PHF20: variants seen among roughly 807,000 people sequenced by gnomAD.
PHF20 encodes the protein PHD finger protein 20.
In PHF20, 23 loss-of-function variants were observed where a neutral mutation model predicts 113.5. That is an observed-to-expected ratio of 0.20 (90% CI 0.15 to 0.29). The LOEUF (loss-of-function observed/expected upper bound fraction) is 0.29, where lower values mean the gene tolerates loss of function less well. PHF20 is among the 10% of genes least tolerant of loss of function. The probability of loss-of-function intolerance (pLI) is 1.00; values close to 1 mark genes in which losing one functional copy is unlikely to be tolerated. For synonymous variants in PHF20, 434 were observed against 457.3 expected, an observed-to-expected ratio of 0.95 and a Z score of 0.65; for missense variants, 943 against 1,219.6, an observed-to-expected ratio of 0.77 and a Z score of 3.38.
chr20:35,873,320 C>T (rs553371003), intron 9 of PHF20, among the ~76,000 whole-genome samples: 14 of 151,840 alleles, frequency 9.2e-5, no homozygotes, highest in South Asian at 2.1e-4. Context: ...AGGTTGGCCT[C>T]GAACTCCTGA....
At chr20:35,889,509 G>A (rs1238416879) in intron 9 of PHF20, among the ~76,000 whole-genome samples, 2 of 151,530 alleles carry the variant, frequency 1.3e-5, no homozygotes, top group Admixed American at 6.6e-5. Context: ...CAATAGGCAC[G>A]CACCACCACG....
chr20:35,806,458 G>A (rs1046257032), intron 2 of PHF20, among the ~76,000 whole-genome samples: 1 of 152,134 alleles, frequency 6.6e-6, no homozygotes, highest in Non-Finnish European at 1.5e-5. Flanking sequence ...ACCATGCCTG[G>A]CACATATTTA....
rs372275639 is a variant in PHF20, at chr20:35,792,083, G to T, written c.-32-9408G>T. On this transcript the variant is annotated intron_variant, in intron 1 of 17. Transcript: ENST00000374012. ...GAATGAGTAAACTCAACTCATGTTT[G>T]CTGTCTCTTTGCATTTTAATTATGG... is the stretch of plus-strand genomic sequence containing the variant. Among the ~76,000 whole-genome samples, 10 of 152,280 alleles carry T rather than the reference G, an allele frequency of 6.6e-5. No homozygotes were observed. In the South Asian group the frequency reaches 2.1e-3, roughly 32 times the overall value.
At chr20:35,808,418 T>G (rs1335610830) in intron 2 of PHF20, among the ~76,000 whole-genome samples, 1 of 152,018 alleles carries the variant, frequency 6.6e-6, no homozygotes, top group African/African-American at 2.4e-5. Flanking sequence ...AGGATCATAG[T>G]AGATGTGTTT....
rs571459735 is a variant in PHF20, at chr20:35,922,107, C to T, written c.2004+4445C>T. ...TGAGCATGGCAGAGTCAGGAGCCAA[C>T]TTGATCTCCTGCTTCCCAGGCTCCA... On this transcript the variant is annotated intron_variant, in intron 13 of 17. Transcript: ENST00000374012. Among the ~76,000 whole-genome samples the T allele has an allele frequency of 3.3e-5, 5 of 152,320 alleles. No homozygotes were observed. The South Asian group carries it at 1.0e-3, about 32-fold the overall frequency.
At chr20:35,932,469 C>T (rs370582443) in intron 15 of PHF20, among the ~76,000 whole-genome samples, 1 of 133,872 alleles carries the variant, frequency 7.5e-6, no homozygotes, top group Non-Finnish European at 1.5e-5. Flanking sequence ...CTCGCTCTGT[C>T]GCCCAGGCTG....
rs1357797541 is a variant in PHF20 at position 35,938,753 on chromosome 20, G to A, written c.2357G>A (p.Gly786Glu). ...LWCQPWKQHSGEGRSHFRNIP... is the reference protein window; with the variant it reads ...LWCQPWKQHSEEGRSHFRNIP... ...TGCCAGCCTTGGAAACAGCACTCAG[G>A]GGAGGGGAGATCTCATTTCAGAAAC... Residue 786 changes from glycine (G) to glutamate (E), a missense_variant, in exon 16 of 18, where the codon GGG becomes GAG. Gly to Glu is a moderately conservative substitution (Grantham distance 98, BLOSUM62 -2). Coordinates refer to ENST00000374012, the MANE Select transcript of PHF20 (RefSeq NM_016436.5). The A allele has an allele frequency of 1.9e-6, 3 of 1,613,976 alleles. No individual in the cohort carries two copies. In the African/African-American group the frequency reaches 4.0e-5, roughly 22 times the overall value.
chr20:35,833,115 C>A (rs182261237), intron 2 of PHF20, among the ~76,000 whole-genome samples: 8 of 151,362 alleles, frequency 5.3e-5, no homozygotes, highest in Non-Finnish European at 1.2e-4. Flanking sequence ...TACTTCCTGG[C>A]CCAGAGCAGG....
At chr20:35,792,919 T>C (rs552858925) in intron 1 of PHF20, among the ~76,000 whole-genome samples, 1 of 151,408 alleles carries the variant, frequency 6.6e-6, no homozygotes, top group East Asian at 1.9e-4. Context: ...TGATTTTTCT[T>C]GTCGTCGCTC....
intron 5 of PHF20, among the ~76,000 whole-genome samples, chr20:35,859,760 G>T (rs1370292844): frequency 6.6e-6 from 1 of 152,036 alleles, no homozygotes; most frequent in Non-Finnish European, 1.5e-5. Flanking sequence ...GTCCAGGCTG[G>T]TCTCAAACTC....
At chr20:35,871,561 G>A (rs1201314146) in intron 8 of PHF20, 89 bp from the exon 9 acceptor site, 1 of 1,085,838 alleles carries the variant, frequency 9.2e-7, no homozygotes, top group Admixed American at 2.7e-5. Flanking sequence ...CCTCTAAAAA[G>A]TCCCTGGCTT....
In PHF20 at chr20:35,940,957, C is replaced by T. The variant is rs752549027; in HGVS notation, c.2806C>T (p.His936Tyr). The T allele has an allele frequency of 6.2e-7, 1 of 1,614,192 alleles. No homozygotes were observed. The highest frequency in any genetic ancestry group is 8.5e-7 in the Non-Finnish European group (1 of 1,180,002). Reference sequence around the variant, plus strand: ...TGGAGAGGGGCTGCTGAGCTCCCAGCACCAGTGGCAGTTTAACCTGCTGAC... The same window carrying T: ...TGGAGAGGGGCTGCTGAGCTCCCAGTACCAGTGGCAGTTTAACCTGCTGAC... ...RGGEGLLSSQHQWQFNLLTHV... is the reference protein window; with the variant it reads ...RGGEGLLSSQYQWQFNLLTHV... The change falls in exon 17 of 18, where the codon CAC becomes TAC. Residue 936 changes from histidine (H) to tyrosine (Y), a missense_variant. This residue lies in a region of PHF20 where 349 missense variants were observed against 412.3 expected (regional missense o/e 0.85). Coordinates refer to ENST00000374012, the MANE Select transcript of PHF20 (RefSeq NM_016436.5).
chr20:35,814,063 T>A (rs141239841), intron 2 of PHF20, among the ~76,000 whole-genome samples: 6 of 149,394 alleles, frequency 4.0e-5, no homozygotes, highest in Non-Finnish European at 8.9e-5. Flanking sequence ...AATAAATAAA[T>A]AAAATAAAAC....
intron 9 of PHF20, among the ~76,000 whole-genome samples, chr20:35,873,466 G>GTTT (rs759056358): frequency 4.9e-5 from 4 of 82,354 alleles, no homozygotes; most frequent in Admixed American, 1.3e-4. Flanking sequence ...CTGTTTTTTT[G>GTTT]TTTTTTTTTT....
At chr20:35,919,119 C>A (rs571001001) in intron 13 of PHF20, among the ~76,000 whole-genome samples, 1 of 151,584 alleles carries the variant, frequency 6.6e-6, no homozygotes, top group Non-Finnish European at 1.5e-5. Flanking sequence ...CAGGTTCAAG[C>A]GATTCGCCTG....
intron 14 of PHF20, among the ~76,000 whole-genome samples, chr20:35,928,277 A>G (rs899371133): frequency 2.0e-5 from 3 of 151,996 alleles, no homozygotes; most frequent in Non-Finnish European, 2.9e-5. Flanking sequence ...CATCTCTACT[A>G]AAAATACAAA....
At chr20:35,864,451 C>CACACAA (rs3221685) in intron 6 of PHF20, among the ~76,000 whole-genome samples, 1 of 147,988 alleles carries the variant, frequency 6.8e-6, no homozygotes, top group Admixed American at 6.7e-5. Flanking sequence ...CACACACACA[C>CACACAA]AAATATTTTC....
At chr20:35,808,158 A>G (rs149442493) in intron 2 of PHF20, among the ~76,000 whole-genome samples, 65 of 152,312 alleles carry the variant, frequency 4.3e-4, no homozygotes, top group African/African-American at 1.5e-3. Context: ...TGGATTTTCT[A>G]CATAGACCAT....
intron 8 of PHF20, 84 bp from the exon 9 acceptor site, chr20:35,871,566 T>C: frequency 1.7e-6 from 2 of 1,170,456 alleles, no homozygotes; most frequent in South Asian, 3.7e-5. Flanking sequence ...AAAAAGTCCC[T>C]GGCTTTCTTA....
Sources: allele counts gnomAD v4.1 joint callset (sites outside exome capture counted in the v4.1 genomes callset), GRCh38; gene constraint gnomAD v4.1.1; regional missense constraint gnomAD v4.1.1; transcripts MANE v1.5; gene names NCBI Gene and HGNC (gene_info 2026-07-23, HGNC 2026-07-21).